SPOCK3: variants seen among roughly 807,000 people sequenced by gnomAD.
SPOCK3 encodes testican-3.
Under a neutral mutation model 56.6 loss-of-function variants are expected in SPOCK3, and 30 were observed. The ratio of observed to expected loss-of-function variants is 0.53; its 90% confidence interval spans 0.40 to 0.72. The LOEUF is 0.72. SPOCK3 is among the 30% of genes least tolerant of loss of function. SPOCK3 has a pLI of 0.00. For missense variants in SPOCK3, 527 were observed against 530.0 expected, an observed-to-expected ratio of 0.99 and a Z score of 0.06; for synonymous variants, 196 against 183.3, an observed-to-expected ratio of 1.07 and a Z score of -0.56.
At chr4:166,949,247 A>C (rs547464800) in intron 4 of SPOCK3, among the ~76,000 whole-genome samples, 22 of 152,130 alleles carry the variant, frequency 1.4e-4, no homozygotes, top group African/African-American at 4.1e-4. Context: ...CATTCGTCTA[A>C]ATTTTTTTCA....
intron 3 of SPOCK3, among the ~76,000 whole-genome samples, chr4:167,059,187 A>G (rs1755286833): frequency 6.6e-6 from 1 of 152,140 alleles, no homozygotes; most frequent in African/African-American, 2.4e-5. Context: ...TGCACAGCAA[A>G]AGAAACTACC....
At chr4:166,951,616 A>G (rs985802392) in intron 4 of SPOCK3, among the ~76,000 whole-genome samples, 12 of 133,280 alleles carry the variant, frequency 9.0e-5, no homozygotes, top group African/African-American at 1.6e-4. Context: ...AAAGCTGGGC[A>G]GAGACACAAC....
intron 6 of SPOCK3, among the ~76,000 whole-genome samples, chr4:166,852,495 A>C (rs1046686476): frequency 1.4e-4 from 21 of 152,070 alleles, no homozygotes; most frequent in African/African-American, 4.1e-4. Context: ...CTTTGGAAAG[A>C]CCTGTACCAC....
chr4:166,976,466 T>C (rs1376078645), intron 4 of SPOCK3, among the ~76,000 whole-genome samples: 1 of 152,142 alleles, frequency 6.6e-6, no homozygotes, highest in Non-Finnish European at 1.5e-5. Context: ...GGCTTGAATT[T>C]TGTTGTTCCT....
intron 6 of SPOCK3, among the ~76,000 whole-genome samples, chr4:166,822,517 G>A (rs1186445515): frequency 1.3e-5 from 2 of 151,990 alleles, no homozygotes; most frequent in Non-Finnish European, 2.9e-5. Flanking sequence ...ATTTCTTTGA[G>A]AAATTTTTTG....
At chr4:167,129,897 A>G (rs1471210119) in intron 2 of SPOCK3, among the ~76,000 whole-genome samples, 2 of 152,218 alleles carry the variant, frequency 1.3e-5, no homozygotes, top group African/African-American at 4.8e-5. Flanking sequence ...TTTTTGATTT[A>G]ATCTCCACAG....
chr4:167,035,125 G>A (rs1296288999), intron 3 of SPOCK3, among the ~76,000 whole-genome samples: 7 of 152,024 alleles, frequency 4.6e-5, no homozygotes, highest in Non-Finnish European at 7.4e-5. Context: ...AAATACTTAG[G>A]TCAACTCCAA....
intron 3 of SPOCK3, among the ~76,000 whole-genome samples, chr4:167,007,383 C>T: frequency 6.6e-6 from 1 of 152,104 alleles, no homozygotes; most frequent in African/African-American, 2.4e-5. Flanking sequence ...AATGTAAATG[C>T]TATAAAATAG....
At chr4:167,115,243 G>A (rs899923879) in intron 2 of SPOCK3, among the ~76,000 whole-genome samples, 1 of 151,376 alleles carries the variant, frequency 6.6e-6, no homozygotes, top group Non-Finnish European at 1.5e-5. Flanking sequence ...TATGCTAAAT[G>A]TAGAGTTGTC....
intron 4 of SPOCK3, among the ~76,000 whole-genome samples, chr4:166,985,811 CT>C (rs1747097970): frequency 6.6e-6 from 1 of 152,078 alleles, no homozygotes; most frequent in Admixed American, 6.6e-5. Flanking sequence ...GCAGATACTG[CT>C]TATATCTCAA....
chr4:166,752,635 A>G (rs1369297361), intron 8 of SPOCK3, among the ~76,000 whole-genome samples: 1 of 151,702 alleles, frequency 6.6e-6, no homozygotes, highest in Non-Finnish European at 1.5e-5. Context: ...GCTACAGTAA[A>G]CAAGAATTTC....
At chr4:167,175,701 G>T (rs1460840704) in intron 2 of SPOCK3, among the ~76,000 whole-genome samples, 1 of 152,046 alleles carries the variant, frequency 6.6e-6, no homozygotes, top group African/African-American at 2.4e-5. Context: ...CAGAGGCCCG[G>T]AACAGATCCT....
At chr4:166,954,582 C>T (rs182822162) in intron 4 of SPOCK3, among the ~76,000 whole-genome samples, 183 of 152,200 alleles carry the variant, frequency 1.2e-3, no homozygotes, top group African/African-American at 4.4e-3. Context: ...ATTGTGTGTT[C>T]TTGGCACCAT....
At chr4:166,860,625 A>G (rs1045691777) in intron 6 of SPOCK3, among the ~76,000 whole-genome samples, 2 of 151,606 alleles carry the variant, frequency 1.3e-5, no homozygotes, top group African/African-American at 4.8e-5. Context: ...TCATACACAC[A>G]TTCAATAAAG....
At chr4:166,973,183 C>T (rs1409071652) in intron 4 of SPOCK3, among the ~76,000 whole-genome samples, 2 of 152,086 alleles carry the variant, frequency 1.3e-5, no homozygotes, top group Admixed American at 1.3e-4. Flanking sequence ...CCCTGCGCCC[C>T]TCCCCACTCT....
At chr4:167,036,438 T>C (rs1752762619) in intron 3 of SPOCK3, among the ~76,000 whole-genome samples, 1 of 152,200 alleles carries the variant, frequency 6.6e-6, no homozygotes, top group Non-Finnish European at 1.5e-5. Context: ...AAAAATAACT[T>C]TTAGTCCTAC....
chr4:166,992,978 C>G (rs143198113), intron 4 of SPOCK3, among the ~76,000 whole-genome samples: 3 of 152,102 alleles, frequency 2.0e-5, no homozygotes, highest in Admixed American at 6.6e-5. Flanking sequence ...ATAGTGCACC[C>G]TTTTTGTGGC....
Position 167,223,594 on chromosome 4 carries a change from C to T in SPOCK3, c.189+10391G>A, listed in dbSNP as rs1386326962. ...GCTGTGTGATCTTGGCCCTGAGTTT[C>T]CTCAGCTGCACAATGGATTAACAGT... On this transcript the variant is annotated intron_variant, in intron 2 of 10. Transcript: ENST00000357545. Among the ~76,000 whole-genome samples, 6 of 151,752 alleles carry T rather than the reference C, an allele frequency of 4.0e-5. No homozygotes were observed. The East Asian group carries it at 1.2e-3, about 29-fold the overall frequency.
chr4:167,165,676 A>G (rs140699192), intron 2 of SPOCK3, among the ~76,000 whole-genome samples: 317 of 152,234 alleles, frequency 2.1e-3, no homozygotes, highest in African/African-American at 6.9e-3. Flanking sequence ...TACATAAACC[A>G]AAAATATAAT....
Sources: allele counts gnomAD v4.1 joint callset (sites outside exome capture counted in the v4.1 genomes callset), GRCh38; gene constraint gnomAD v4.1.1; transcripts MANE v1.5; gene names NCBI Gene and HGNC (gene_info 2026-07-23, HGNC 2026-07-21).